Variants in RIN2 observed in about 807,000 individuals in gnomAD.
RIN2 encodes the protein Ras and Rab interactor 2, also known as RAB5 interacting protein 2.
RIN2 carries 36 observed loss-of-function variants against 78.0 expected under a neutral mutation model. That is an observed-to-expected ratio of 0.46 (90% CI 0.35 to 0.61). RIN2 has a LOEUF of 0.61. Ranked by LOEUF, RIN2 falls within the 20% of genes least tolerant of loss-of-function variation. RIN2 has a pLI of 0.00. For synonymous variants in RIN2, 466 were observed against 466.8 expected (o/e 1.00, Z 0.02); for missense variants, 1,087 against 1,159.7 (o/e 0.94, Z 0.91).
chr20:19,841,366 A>G (rs1039918472), intron 2 of RIN2, among the ~76,000 whole-genome samples: 1 of 151,924 alleles, frequency 6.6e-6, no homozygotes, highest in Non-Finnish European at 1.5e-5. Context: ...TTTCAGTTCT[A>G]TTGAAGTGAA....
Position 19,912,478 on chromosome 20 carries a change from T to TC in RIN2, c.58-22621_58-22620insC, listed in dbSNP as rs1555789456. The stretch of plus-strand genomic sequence containing the variant: ...TTTCTTTTTTCTTTTTCTTTTTCTT[T>TC]TTTTTTTTTTTTTTTTTGAGATGAA... On this transcript the variant is annotated intron_variant, in intron 3 of 12. Transcript: ENST00000255006. Among the ~76,000 whole-genome samples, 12 of 140,974 alleles carry TC rather than the reference T, an allele frequency of 8.5e-5. 1 individual carries two copies. The South Asian group carries it at 2.1e-3, about 25-fold the overall frequency. 92.5% of individuals were successfully genotyped at this position (140,974 alleles called of 152,430 possible).
intron 1 of RIN2, among the ~76,000 whole-genome samples, chr20:19,772,201 C>T (rs1323065272): frequency 1.3e-5 from 2 of 152,190 alleles, no homozygotes; most frequent in African/African-American, 2.4e-5. Flanking sequence ...TATGGCCCAA[C>T]TTTAGAGAAC....
At chr20:19,820,204 A>G (rs2035886949) in intron 2 of RIN2, among the ~76,000 whole-genome samples, 1 of 152,216 alleles carries the variant, frequency 6.6e-6, no homozygotes, top group Admixed American at 6.5e-5. Flanking sequence ...ACAGTTATAA[A>G]GACTGGTAAG....
At chr20:19,778,631 G>C (rs1452010163) in intron 1 of RIN2, among the ~76,000 whole-genome samples, 1 of 152,188 alleles carries the variant, frequency 6.6e-6, no homozygotes, top group Non-Finnish European at 1.5e-5. Context: ...CCAAACACGG[G>C]CTGATTCTTA....
intron 2 of RIN2, among the ~76,000 whole-genome samples, chr20:19,859,595 C>T (rs1277185454): frequency 6.6e-6 from 1 of 152,156 alleles, no homozygotes; most frequent in Non-Finnish European, 1.5e-5. Flanking sequence ...CCTTGACTTC[C>T]ATGAAGATCC....
chr20:19,810,902 A>G (rs1361810512), intron 2 of RIN2, among the ~76,000 whole-genome samples: 2 of 148,782 alleles, frequency 1.3e-5, no homozygotes, highest in African/African-American at 2.5e-5. Context: ...TAGTAGAGAC[A>G]GGGTTTCACC....
At chr20:19,764,918 G>GTTCTTTTTTTTTTTTTT (rs2033805829) in intron 1 of RIN2, among the ~76,000 whole-genome samples, 1 of 50,362 alleles carries the variant, frequency 2.0e-5, no homozygotes, top group Non-Finnish European at 3.6e-5. Flanking sequence ...CACTTTCTGC[G>GTTCTTTTTTTTTTTTTT]TTTTTTTTTT....
At chr20:19,934,643 A>G (rs2040562505) in intron 3 of RIN2, 1 of 951,926 alleles carries the variant, frequency 1.1e-6, no homozygotes. Context: ...ATATCTTTTA[A>G]ATAAACTCAT....
intron 1 of RIN2, among the ~76,000 whole-genome samples, chr20:19,773,307 G>C (rs1555326): frequency 0.72 from 109,917 of 152,114 alleles, 39,953 homozygotes; most frequent in African/African-American, 0.8. Context: ...TCCAATGCTA[G>C]TAGGGGTGAG....
chr20:19,931,343 G>A (rs1361575412), intron 3 of RIN2, among the ~76,000 whole-genome samples: 1 of 151,952 alleles, frequency 6.6e-6, no homozygotes, highest in East Asian at 1.9e-4. Flanking sequence ...ATCTCACTAT[G>A]TTGTCCAGGC....
chr20:19,966,847 A>T (rs898080732), intron 7 of RIN2, among the ~76,000 whole-genome samples: 2 of 152,136 alleles, frequency 1.3e-5, no homozygotes, highest in Non-Finnish European at 2.9e-5. Flanking sequence ...AGCCTGTGTA[A>T]GGAAATGAAA....
intron 4 of RIN2, among the ~76,000 whole-genome samples, chr20:19,949,498 G>C (rs1398124904): frequency 6.6e-6 from 1 of 152,176 alleles, no homozygotes; most frequent in Non-Finnish European, 1.5e-5. Flanking sequence ...ATTTTGCCTT[G>C]AACTTTATTT....
Position 19,935,205 on chromosome 20 carries a change from CAGAG to C in RIN2, c.158+8_158+11del. On this transcript the variant is annotated splice_region_variant and intron_variant, in intron 4 of 12. Coordinates refer to ENST00000255006, the MANE Select transcript of RIN2 (RefSeq NM_018993.4). ...GAACCCGCTGAAACCCACAGGTGACCAGAGACACGGTTAGGTGATGGGTGCGAGA... is the reference window on the plus strand; with the variant it reads ...GAACCCGCTGAAACCCACAGGTGACCACACGGTTAGGTGATGGGTGCGAGA... 6.3e-7 allele frequency: 1 copy of C among 1,590,088 alleles called. No individual in the cohort carries two copies. The highest frequency in any genetic ancestry group is 8.6e-7 in the Non-Finnish European group (1 of 1,167,854).
intron 2 of RIN2, among the ~76,000 whole-genome samples, chr20:19,887,374 T>G (rs55965575): frequency 0.031 from 4,716 of 152,156 alleles, 252 homozygotes; most frequent in African/African-American, 0.11. Context: ...AGCTATGTAC[T>G]GTCTGCTTGA....
chr20:19,895,405 T>TGAG (rs1356092391), intron 3 of RIN2, among the ~76,000 whole-genome samples: 2 of 152,210 alleles, frequency 1.3e-5, no homozygotes, highest in Non-Finnish European at 2.9e-5. Context: ...TTGGGCTTCC[T>TGAG]GAGCAAGCCT....
chr20:19,837,204 A>G (rs1203690773), intron 2 of RIN2, among the ~76,000 whole-genome samples: 1 of 151,738 alleles, frequency 6.6e-6, no homozygotes, highest in Non-Finnish European at 1.5e-5. Flanking sequence ...ACACACACAC[A>G]CACACACAGA....
At chr20:19,820,828 G>T (rs2035905264) in intron 2 of RIN2, among the ~76,000 whole-genome samples, 1 of 152,158 alleles carries the variant, frequency 6.6e-6, no homozygotes, top group Non-Finnish European at 1.5e-5. Flanking sequence ...ACCATATGCT[G>T]GTAGCCAGCT....
At chr20:19,843,262 G>T (rs2036636310) in intron 2 of RIN2, among the ~76,000 whole-genome samples, 1 of 152,174 alleles carries the variant, frequency 6.6e-6, no homozygotes, top group Admixed American at 6.5e-5. Context: ...GATTTGAGAA[G>T]ATTACTCCAA....
chr20:19,872,854 A>C (rs894261854), intron 2 of RIN2, among the ~76,000 whole-genome samples: 4 of 152,196 alleles, frequency 2.6e-5, no homozygotes, highest in Admixed American at 6.5e-5. Context: ...TATGATGCTC[A>C]CTATTCAGGT....
Sources: allele counts gnomAD v4.1 joint callset (sites outside exome capture counted in the v4.1 genomes callset), GRCh38; gene constraint gnomAD v4.1.1; transcripts MANE v1.5; gene names NCBI Gene and HGNC (gene_info 2026-07-23, HGNC 2026-07-21).